The following ATP8A2 variants were observed in gnomAD, a reference collection of about 807,000 sequenced individuals.
ATP8A2 encodes the protein ATPase phospholipid transporting 8A2.
ATP8A2 carries 100 observed loss-of-function variants against 165.6 expected under a neutral mutation model. The ratio of observed to expected loss-of-function variants is 0.60; its 90% confidence interval spans 0.51 to 0.71. ATP8A2 has a LOEUF of 0.71. Among genes scored for constraint, ATP8A2 ranks in the 30% least tolerant of loss-of-function variants. ATP8A2 has a pLI of 0.00. For synonymous variants in ATP8A2, 543 were observed against 548.8 expected (o/e 0.99, Z 0.15); for missense variants, 1,227 against 1,479.5 (o/e 0.83, Z 2.80).
At chr13:25,541,279 T>A (rs2038467601) in intron 8 of ATP8A2, among the ~76,000 whole-genome samples, 1 of 152,196 alleles carries the variant, frequency 6.6e-6, no homozygotes, top group Non-Finnish European at 1.5e-5. Flanking sequence ...TCTTTTCTAC[T>A]GTAGATATTT....
At chr13:25,983,651 T>G (rs1266874146) in intron 35 of ATP8A2, among the ~76,000 whole-genome samples, 1 of 152,184 alleles carries the variant, frequency 6.6e-6, no homozygotes, top group Non-Finnish European at 1.5e-5. Context: ...GCATGGTTCC[T>G]TTCTTGTAGT....
intron 35 of ATP8A2, among the ~76,000 whole-genome samples, chr13:26,009,898 G>A (rs1956808410): frequency 6.6e-6 from 1 of 151,850 alleles, no homozygotes; most frequent in East Asian, 1.9e-4. Flanking sequence ...AAACCCCATC[G>A]CTACTAAAAA....
intron 25 of ATP8A2, among the ~76,000 whole-genome samples, chr13:25,736,551 C>G (rs2043773444): frequency 6.6e-6 from 1 of 152,154 alleles, no homozygotes; most frequent in African/African-American, 2.4e-5. Context: ...GGACACAAGT[C>G]TGAATGAAGG....
At chr13:25,872,399 AC>A (rs1952703238) in intron 33 of ATP8A2, among the ~76,000 whole-genome samples, 2 of 152,062 alleles carry the variant, frequency 1.3e-5, no homozygotes, top group African/African-American at 4.8e-5. Context: ...CATTGAGCAC[AC>A]CCCTGGATCC....
intron 1 of ATP8A2, among the ~76,000 whole-genome samples, chr13:25,459,737 A>G (rs930603650): frequency 2.0e-4 from 31 of 152,204 alleles, no homozygotes; most frequent in Admixed American, 1.3e-4. Context: ...AGCAAGTACC[A>G]GGTCTCTGGA....
intron 1 of ATP8A2, among the ~76,000 whole-genome samples, chr13:25,425,832 T>A (rs962729862): frequency 1.3e-5 from 2 of 152,218 alleles, no homozygotes; most frequent in Non-Finnish European, 2.9e-5. Context: ...CGCCTCCGCC[T>A]CCCAGAGTGC....
intron 35 of ATP8A2, among the ~76,000 whole-genome samples, chr13:25,986,741 G>T (rs1956287120): frequency 1.3e-5 from 2 of 152,172 alleles, no homozygotes; most frequent in African/African-American, 4.8e-5. Context: ...GGATTGCTGA[G>T]TCATATGCTT....
At chr13:25,814,965 C>A (rs1364408137) in intron 27 of ATP8A2, among the ~76,000 whole-genome samples, 1 of 151,898 alleles carries the variant, frequency 6.6e-6, no homozygotes, top group Non-Finnish European at 1.5e-5. Flanking sequence ...CCTGGGGAGG[C>A]TGAGGCTGCA....
At chr13:25,399,565 A>T (rs2033556651) in intron 1 of ATP8A2, among the ~76,000 whole-genome samples, 1 of 77,038 alleles carries the variant, frequency 1.3e-5, no homozygotes, top group African/African-American at 4.6e-5. Flanking sequence ...CGCCCGGCTA[A>T]TTTTTTTTTT....
intron 1 of ATP8A2, among the ~76,000 whole-genome samples, chr13:25,384,250 A>C (rs970720981): frequency 6.6e-6 from 1 of 152,194 alleles, no homozygotes; most frequent in Non-Finnish European, 1.5e-5. Context: ...TTAATGATAT[A>C]TCTATCTTTG....
At chr13:25,964,190 T>C (rs1955724518) in intron 34 of ATP8A2, among the ~76,000 whole-genome samples, 1 of 152,242 alleles carries the variant, frequency 6.6e-6, no homozygotes, top group Non-Finnish European at 1.5e-5. Context: ...AGAGGTGCTT[T>C]CTAAAATGGA....
chr13:25,646,119 A>G (rs1480513062), intron 24 of ATP8A2, among the ~76,000 whole-genome samples: 2 of 152,194 alleles, frequency 1.3e-5, no homozygotes, highest in Non-Finnish European at 2.9e-5. Flanking sequence ...TGTATTTACA[A>G]TTGATATATC....
chr13:25,968,526 G>A (rs1200025285), intron 34 of ATP8A2, 49 bp from the exon 35 acceptor site: 3 of 1,533,060 alleles, frequency 2.0e-6, no homozygotes, highest in Non-Finnish European at 2.7e-6. Context: ...TTTCCCAGCT[G>A]TGTCAAGTCT....
chr13:25,935,824 C>G (rs1397345077), intron 33 of ATP8A2, among the ~76,000 whole-genome samples: 2 of 126,914 alleles, frequency 1.6e-5, no homozygotes, highest in Admixed American at 8.5e-5. Flanking sequence ...AACATCCAAA[C>G]TATATCACTC....
At chr13:26,012,244 CCTGAAAAGCCCA>C (rs1361375996) in intron 35 of ATP8A2, among the ~76,000 whole-genome samples, 1 of 152,110 alleles carries the variant, frequency 6.6e-6, no homozygotes, top group Admixed American at 6.5e-5. Flanking sequence ...GGAGAAGTGT[CCTGAAAAGCCCA>C]CGGTCCCGCG....
chr13:25,787,712 C>T (rs1386856315), intron 27 of ATP8A2, among the ~76,000 whole-genome samples: 5 of 152,202 alleles, frequency 3.3e-5, no homozygotes, highest in African/African-American at 4.8e-5. Context: ...CACCATTGGC[C>T]GGGCCTCTCT....
At chr13:25,978,807 G>A (rs1367925820) in intron 35 of ATP8A2, among the ~76,000 whole-genome samples, 2 of 152,156 alleles carry the variant, frequency 1.3e-5, no homozygotes, top group Admixed American at 6.5e-5. Flanking sequence ...GGGCTTGGTG[G>A]CGGGCGCCTG....
At chr13:25,724,587 A>G (rs1043027277) in intron 25 of ATP8A2, among the ~76,000 whole-genome samples, 1 of 152,236 alleles carries the variant, frequency 6.6e-6, no homozygotes, top group Non-Finnish European at 1.5e-5. Context: ...AAAAATACCC[A>G]GTGGCCTCAT....
intron 25 of ATP8A2, among the ~76,000 whole-genome samples, chr13:25,751,494 G>C (rs573448251): frequency 1.3e-5 from 2 of 151,664 alleles, no homozygotes; most frequent in Non-Finnish European, 2.9e-5. Flanking sequence ...TCTATCACCC[G>C]AGCACAGTCA....
Sources: allele counts gnomAD v4.1 joint callset (sites outside exome capture counted in the v4.1 genomes callset), GRCh38; gene constraint gnomAD v4.1.1; transcripts MANE v1.5; gene names NCBI Gene and HGNC (gene_info 2026-07-23, HGNC 2026-07-21).